The following KIAA1958 variants were observed in gnomAD, a reference collection of about 807,000 sequenced individuals.
KIAA1958 encodes the protein KIAA1958, also known as uncharacterized protein KIAA1958.
Under a neutral mutation model 47.2 loss-of-function variants are expected in KIAA1958, and 14 were observed. That is an observed-to-expected ratio of 0.30 (90% CI 0.20 to 0.46). The LOEUF (loss-of-function observed/expected upper bound fraction) is 0.46. Among genes scored for constraint, KIAA1958 ranks in the 20% least tolerant of loss-of-function variants. The pLI is 1.00. For missense variants in KIAA1958, 803 were observed against 909.2 expected (o/e 0.88, Z 1.50); for synonymous variants, 354 against 353.3 (o/e 1.00, Z -0.02).
chr9:112,531,615 T>TAA (rs1312082617), intron 1 of KIAA1958, among the ~76,000 whole-genome samples: 1 of 152,162 alleles, frequency 6.6e-6, no homozygotes, highest in African/African-American at 2.4e-5. Context: ...GAAGCTAAAT[T>TAA]GTTTATTCCA....
intron 1 of KIAA1958, among the ~76,000 whole-genome samples, chr9:112,505,207 A>G (rs1451665145): frequency 6.6e-6 from 1 of 152,212 alleles, no homozygotes; most frequent in African/African-American, 2.4e-5. Flanking sequence ...ATGTTACTGA[A>G]AATGACCTGA....
chr9:112,635,347 C>T lies in KIAA1958; in HGVS notation c.1172-10303C>T, dbSNP rs1360924493. On this transcript the variant is annotated intron_variant, in intron 2 of 3. Coordinates refer to ENST00000337530, the MANE Select transcript of KIAA1958 (RefSeq NM_133465.4). Reference sequence around the variant, plus strand: ...TTCACTACAACCTCTGCCTCCCAGGCTTAAGCCATCCTCTCACCTCAGCCT... The same window carrying T: ...TTCACTACAACCTCTGCCTCCCAGGTTTAAGCCATCCTCTCACCTCAGCCT... 3.3e-5 allele frequency among the ~76,000 whole-genome samples: 5 copies of T among 151,700 alleles called. No homozygotes were observed. In the East Asian group the frequency reaches 7.8e-4, roughly 24 times the overall value.
At chr9:112,627,709 A>G (rs1836641596) in intron 2 of KIAA1958, among the ~76,000 whole-genome samples, 1 of 152,226 alleles carries the variant, frequency 6.6e-6, no homozygotes, top group South Asian at 2.1e-4. Context: ...ATCTGAGATC[A>G]CACTACTGCA....
chr9:112,654,268 C>G (rs1837111275), intron 3 of KIAA1958, among the ~76,000 whole-genome samples: 1 of 152,178 alleles, frequency 6.6e-6, no homozygotes, highest in African/African-American at 2.4e-5. Context: ...CTCAGCACCC[C>G]TTATTCAGGA....
chr9:112,630,871 T>C (rs1416708185), intron 2 of KIAA1958, among the ~76,000 whole-genome samples: 1 of 152,228 alleles, frequency 6.6e-6, no homozygotes, highest in Non-Finnish European at 1.5e-5. Context: ...TGTATGATGA[T>C]AGATTATATA....
intron 1 of KIAA1958, among the ~76,000 whole-genome samples, chr9:112,522,312 C>G (rs1043615801): frequency 1.3e-5 from 2 of 152,324 alleles, no homozygotes; most frequent in African/African-American, 2.4e-5. Flanking sequence ...ACCACCTTTG[C>G]TATCCTCTAG....
chr9:112,599,113 T>A (rs1279997107), intron 2 of KIAA1958, among the ~76,000 whole-genome samples: 1 of 152,184 alleles, frequency 6.6e-6, no homozygotes, highest in Non-Finnish European at 1.5e-5. Context: ...AATTTTGCAT[T>A]GGAAAGCTAT....
chr9:112,643,142 T>C (rs1399423953), intron 2 of KIAA1958, among the ~76,000 whole-genome samples: 2 of 152,252 alleles, frequency 1.3e-5, no homozygotes, highest in African/African-American at 2.4e-5. Flanking sequence ...AAGCACAAGC[T>C]AGTATCTAAA....
intron 1 of KIAA1958, among the ~76,000 whole-genome samples, chr9:112,567,103 G>T (rs1835439115): frequency 6.6e-6 from 1 of 152,176 alleles, no homozygotes; most frequent in South Asian, 2.1e-4. Context: ...TGCAGAATAA[G>T]TGAAGGATTA....
At chr9:112,643,463 C>T (rs188957833) in intron 2 of KIAA1958, among the ~76,000 whole-genome samples, 25 of 152,240 alleles carry the variant, frequency 1.6e-4, no homozygotes, top group African/African-American at 3.6e-4. Context: ...ATTAGTGCTA[C>T]GTATAACAAT....
At chr9:112,535,448 G>A (rs901484368) in intron 1 of KIAA1958, among the ~76,000 whole-genome samples, 1 of 151,966 alleles carries the variant, frequency 6.6e-6, no homozygotes, top group Admixed American at 6.6e-5. Flanking sequence ...GCAGTCCATT[G>A]TATAAATATA....
chr9:112,535,370 G>A (rs1437743252), intron 1 of KIAA1958, among the ~76,000 whole-genome samples: 1 of 152,108 alleles, frequency 6.6e-6, no homozygotes, highest in Non-Finnish European at 1.5e-5. Flanking sequence ...CTTTTAACTA[G>A]CATAATGTTT....
rs1015334457 is a variant in KIAA1958, at chr9:112,604,087, G to A, written c.1171+28836G>A. ...CAAGTTTGTTTTTATTTTAAATTGG[G>A]TACTGTAGCAATAGAAGCAAATGGA... On this transcript the variant is annotated intron_variant, in intron 2 of 3. Coordinates refer to ENST00000337530, the MANE Select transcript of KIAA1958 (RefSeq NM_133465.4). 2.6e-5 allele frequency among the ~76,000 whole-genome samples: 4 copies of A among 152,102 alleles called. No individual in the cohort carries two copies. In the South Asian group the frequency reaches 8.3e-4, roughly 32 times the overall value.
intron 2 of KIAA1958, among the ~76,000 whole-genome samples, chr9:112,585,613 T>C (rs1241226177): frequency 2.6e-5 from 4 of 152,154 alleles, no homozygotes; most frequent in Admixed American, 6.5e-5. Flanking sequence ...GGCTGTTTTA[T>C]AGGGTGACAG....
intron 2 of KIAA1958, among the ~76,000 whole-genome samples, chr9:112,576,089 C>T (rs1043778065): frequency 2.6e-5 from 4 of 152,108 alleles, no homozygotes; most frequent in African/African-American, 9.7e-5. Context: ...TCAAAAACGT[C>T]GTGTATTTTG....
chr9:112,627,889 G>A (rs544582947), intron 2 of KIAA1958, among the ~76,000 whole-genome samples: 14 of 152,274 alleles, frequency 9.2e-5, no homozygotes, highest in African/African-American at 3.4e-4. Flanking sequence ...TTGCCTTATG[G>A]CCATCAGGAT....
intron 1 of KIAA1958, among the ~76,000 whole-genome samples, chr9:112,501,823 CTCTT>C (rs1834145803): frequency 6.6e-6 from 1 of 152,170 alleles, no homozygotes; most frequent in Non-Finnish European, 1.5e-5. Context: ...CTAAAAATCA[CTCTT>C]TCTTGAAAAA....
At chr9:112,560,308 G>A (rs987857304) in intron 1 of KIAA1958, among the ~76,000 whole-genome samples, 15 of 148,746 alleles carry the variant, frequency 1.0e-4, no homozygotes, top group South Asian at 2.1e-4. Context: ...ATAAGCAGTC[G>A]TCCTCCCTCA....
chr9:112,492,810 C>T (rs1022380339), intron 1 of KIAA1958, among the ~76,000 whole-genome samples: 5 of 152,076 alleles, frequency 3.3e-5, no homozygotes, highest in South Asian at 2.1e-4. Context: ...AGCGCACTAA[C>T]GTGATCACAG....
Sources: allele counts gnomAD v4.1 joint callset (sites outside exome capture counted in the v4.1 genomes callset), GRCh38; gene constraint gnomAD v4.1.1; transcripts MANE v1.5; gene names NCBI Gene and HGNC (gene_info 2026-07-23, HGNC 2026-07-21).